DCAF8L2: variants seen among roughly 807,000 people sequenced by gnomAD.
The protein encoded by DCAF8L2 is DDB1- and CUL4-associated factor 8-like protein 2.
For synonymous variants in DCAF8L2, 200 were observed against 190.9 expected, an observed-to-expected ratio of 1.05 and a Z score of -0.39; for missense variants, 430 against 490.7, an observed-to-expected ratio of 0.88 and a Z score of 1.17.
the DCAF8L2 span, among the ~76,000 whole-genome samples, chrX:27,513,811 G>C: frequency 9.0e-6 from 1 of 110,876 alleles, no homozygotes; most frequent in East Asian, 2.8e-4. Flanking sequence ...CTAAACATAA[G>C]GAAAATTCAA....
intron 3 of DCAF8L2, among the ~76,000 whole-genome samples, chrX:27,693,588 T>C (rs1353388706): frequency 9.0e-6 from 1 of 111,595 alleles, no homozygotes; most frequent in African/African-American, 3.3e-5. Flanking sequence ...TTTTCAGATG[T>C]GTTTATGCCC....
chrX:27,617,195 T>C (rs1024913220), intron 1 of DCAF8L2, among the ~76,000 whole-genome samples: 2 of 111,391 alleles, frequency 1.8e-5, no homozygotes, highest in African/African-American at 6.5e-5. Flanking sequence ...ACGAAGGAGT[T>C]CCTCTGTTAC....
chrX:27,684,131 G>C (rs763821914), intron 3 of DCAF8L2, among the ~76,000 whole-genome samples: 3 of 112,006 alleles, frequency 2.7e-5, no homozygotes, highest in African/African-American at 9.7e-5. Context: ...GAAGTAGTGA[G>C]AGGTATCCAA....
chrX:27,507,749 T>C, the DCAF8L2 span, among the ~76,000 whole-genome samples: 6 of 111,593 alleles, frequency 5.4e-5, no homozygotes, highest in Non-Finnish European at 1.1e-4. Flanking sequence ...ATAAAATTGA[T>C]AAATTGCCCT....
At chrX:27,655,259 C>A (rs1929309139) in intron 2 of DCAF8L2, among the ~76,000 whole-genome samples, 1 of 112,190 alleles carries the variant, frequency 8.9e-6, no homozygotes, top group Admixed American at 9.5e-5. Context: ...ACTAGGAGTA[C>A]TGTTTCAAGA....
chrX:27,664,582 A>T (rs1422668815), intron 2 of DCAF8L2, among the ~76,000 whole-genome samples: 2 of 112,307 alleles, frequency 1.8e-5, no homozygotes, highest in Non-Finnish European at 1.9e-5. Flanking sequence ...TCAACAAAAA[A>T]TTTTTAATGT....
At chrX:27,693,980 T>C (rs954359295) in intron 3 of DCAF8L2, among the ~76,000 whole-genome samples, 13 of 111,471 alleles carry the variant, frequency 1.2e-4, no homozygotes, top group Admixed American at 4.8e-4. Flanking sequence ...CAATGGTGGA[T>C]TGGATAAAGA....
At chrX:27,695,136 T>A (rs1239588733) in intron 3 of DCAF8L2, among the ~76,000 whole-genome samples, 1 of 111,883 alleles carries the variant, frequency 8.9e-6, no homozygotes, top group East Asian at 2.8e-4. Flanking sequence ...ATTAACCTCA[T>A]GGTCCTTCAC....
the DCAF8L2 span, among the ~76,000 whole-genome samples, chrX:27,512,779 CAAAAAAAAAAAA>C: frequency 1.1e-4 from 2 of 18,550 alleles, no homozygotes; most frequent in Non-Finnish European, 1.7e-4. Context: ...CAATCTTGAG[CAAAAAAAAAAAA>C]AAAAAAAAAA....
At chrX:27,707,917 G>A (rs2147277692) in intron 3 of DCAF8L2, among the ~76,000 whole-genome samples, 1 of 111,248 alleles carries the variant, frequency 9.0e-6, no homozygotes, top group African/African-American at 3.3e-5. Context: ...TCTTATTAGA[G>A]GTGCTTTTCT....
At chrX:27,475,332 A>G in the DCAF8L2 span, among the ~76,000 whole-genome samples, 2 of 111,997 alleles carry the variant, frequency 1.8e-5, no homozygotes, top group African/African-American at 6.5e-5. Context: ...TTCACTTTTC[A>G]AAATTTTATA....
chrX:27,729,902 A>G (rs1921090095), intron 4 of DCAF8L2, among the ~76,000 whole-genome samples: 1 of 112,064 alleles, frequency 8.9e-6, no homozygotes, highest in African/African-American at 3.2e-5. Flanking sequence ...ACTGAGTCCT[A>G]AGAAATGTAT....
Position 27,658,667 on chromosome X carries a change from A to G in DCAF8L2, c.-219-19169A>G, listed in dbSNP as rs910202398. On this transcript the variant is annotated intron_variant, in intron 2 of 4. Coordinates refer to ENST00000451261, the MANE Select transcript of DCAF8L2 (RefSeq NM_001353450.2). ...TTTGTTCTGTTGAGGAAAGAGCATCATATGTAATAAATGCTCAATAATTAT... is the reference window on the plus strand; with the variant it reads ...TTTGTTCTGTTGAGGAAAGAGCATCGTATGTAATAAATGCTCAATAATTAT... 2.7e-5 allele frequency among the ~76,000 whole-genome samples: 3 copies of G among 111,863 alleles called. No homozygotes were observed. In the Admixed American group the frequency reaches 2.9e-4, roughly 11 times the overall value.
intron 3 of DCAF8L2, among the ~76,000 whole-genome samples, chrX:27,698,369 G>A (rs1931005930): frequency 8.9e-6 from 1 of 111,904 alleles, no homozygotes; most frequent in Non-Finnish European, 1.9e-5. Flanking sequence ...ACTGGGCCAA[G>A]TTACCAATGT....
At chrX:27,720,618 C>T (rs890666165) in intron 4 of DCAF8L2, among the ~76,000 whole-genome samples, 2 of 111,374 alleles carry the variant, frequency 1.8e-5, no homozygotes, top group Admixed American at 1.9e-4. Flanking sequence ...CATGACCCAC[C>T]CGCCTCGGCC....
At chrX:27,536,925 C>T in the DCAF8L2 span, among the ~76,000 whole-genome samples, 165 of 112,262 alleles carry the variant, frequency 1.5e-3, no homozygotes, top group African/African-American at 4.9e-3. Context: ...AAAACCAAAA[C>T]TGTTTATTGC....
the DCAF8L2 span, among the ~76,000 whole-genome samples, chrX:27,576,686 CTT>C: frequency 9.0e-6 from 1 of 111,660 alleles, no homozygotes; most frequent in African/African-American, 3.2e-5. Context: ...AAGAAAAAAA[CTT>C]TTAAAAACCT....
At chrX:27,476,489 G>T in the DCAF8L2 span, among the ~76,000 whole-genome samples, 16 of 111,540 alleles carry the variant, frequency 1.4e-4, no homozygotes, top group African/African-American at 5.2e-4. Flanking sequence ...AATTAGAAAA[G>T]GGCATATTTA....
intron 2 of DCAF8L2, among the ~76,000 whole-genome samples, chrX:27,645,323 A>G (rs1928897091): frequency 8.9e-6 from 1 of 111,869 alleles, no homozygotes; most frequent in African/African-American, 3.3e-5. Flanking sequence ...CAAAAACCAC[A>G]TGATTATCTC....
Sources: allele counts gnomAD v4.1 joint callset (sites outside exome capture counted in the v4.1 genomes callset), GRCh38; gene constraint gnomAD v4.1.1; transcripts MANE v1.5; gene names NCBI Gene and HGNC (gene_info 2026-07-23, HGNC 2026-07-21).